Variants in WDCP observed in about 807,000 individuals in gnomAD.
The protein encoded by WDCP is WD repeat and coiled coil containing.
A neutral mutation model predicts 41.6 loss-of-function variants in WDCP; 19 were observed. That is an observed-to-expected ratio of 0.46 (90% CI 0.32 to 0.67). The LOEUF (loss-of-function observed/expected upper bound fraction) is 0.67, where lower values mean the gene tolerates loss of function less well. Among genes scored for constraint, WDCP ranks in the 30% least tolerant of loss-of-function variants. The probability of loss-of-function intolerance (pLI) is 0.04; values close to 1 mark genes in which losing one functional copy is unlikely to be tolerated. For missense variants in WDCP, 802 were observed against 850.7 expected (o/e 0.94, Z 0.71); for synonymous variants, 302 against 320.8 (o/e 0.94, Z 0.63).
chr2:24,039,746 G>A (rs1663366646), intron 1 of WDCP, among the ~76,000 whole-genome samples: 1 of 152,084 alleles, frequency 6.6e-6, no homozygotes, highest in Non-Finnish European at 1.5e-5. Flanking sequence ...TTTAGAACTG[G>A]GGAAATCTGA....
intron 1 of WDCP, 68 bp from the exon 2 acceptor site, chr2:24,039,580 G>C: frequency 4.3e-6 from 6 of 1,398,970 alleles, no homozygotes; most frequent in African/African-American, 1.4e-5. Context: ...AGGACATTTG[G>C]TAAGACAACG....
intron 2 of WDCP, among the ~76,000 whole-genome samples, chr2:24,036,393 G>C (rs142771149): frequency 1.3e-5 from 2 of 152,166 alleles, no homozygotes; most frequent in African/African-American, 4.8e-5. Flanking sequence ...TGTAGTCTCA[G>C]CTGCTCAGGA....
intron 1 of WDCP, among the ~76,000 whole-genome samples, chr2:24,040,020 C>G (rs572614631): frequency 2.4e-4 from 36 of 151,994 alleles, no homozygotes; most frequent in Non-Finnish European, 4.0e-4. Context: ...AGGCTGGTCT[C>G]AAACTCCTGA....
chr2:24,047,057 T>G (rs972765515), intron 1 of WDCP, among the ~76,000 whole-genome samples: 1 of 152,148 alleles, frequency 6.6e-6, no homozygotes, highest in East Asian at 1.9e-4. Context: ...TTCCTGACTT[T>G]GGATGACTTC....
At position 24,029,453 on chromosome 2, in the gene WDCP, T is replaced by C. The variant is rs1010527650; in HGVS notation, c.*1480A>G. 10 of 152,210 alleles carry C rather than the reference T, an allele frequency of 6.6e-5. No individual in the cohort carries two copies. Among genetic ancestry groups the C allele is most frequent in the African/African-American group, 2.4e-4 (10 of 41,462 alleles). 9.4% of individuals were successfully genotyped at this position (152,210 alleles called of 1,614,324 possible). ...CCCACATTGATCTTAGTTAACAGTC[T>C]TGTAGTTCCCTCTTTAGGCTTCAAG... On this transcript the variant is annotated 3_prime_UTR_variant, in exon 4 of 4. Transcript: ENST00000295148.
At chr2:24,033,189 G>C in intron 2 of WDCP, 1 of 589,686 alleles carries the variant, frequency 1.7e-6, no homozygotes, top group Non-Finnish European at 3.3e-6. Context: ...CTAGGAACTG[G>C]CTCTCCTAGA....
At chr2:24,035,797 G>A (rs978726894) in intron 2 of WDCP, among the ~76,000 whole-genome samples, 3 of 151,650 alleles carry the variant, frequency 2.0e-5, no homozygotes, top group Admixed American at 6.6e-5. Context: ...TAGGCCGGGC[G>A]CAGTGGCTTA....
Position 24,032,907 on chromosome 2 carries a change from C to A in WDCP, c.1858G>T (p.Val620Leu). 1 of 1,613,546 alleles carries A rather than the reference C, an allele frequency of 6.2e-7. No homozygotes were observed. ...CTTAGTTTACCATCACAGAGAAGCA[C>A]CGCTCTTTTTTCAACAACAGGACCT... ...YLGPVVEKRAVLLCDGKLRLS... is the reference protein window; with the variant it reads ...YLGPVVEKRALLLCDGKLRLS... Residue 620 changes from valine (V) to leucine (L), a missense_variant, in exon 3 of 4, where the codon GTG (valine) becomes TTG (leucine). Coordinates refer to ENST00000295148, the MANE Select transcript of WDCP (RefSeq NM_025203.3).
rs773834149 is a variant in WDCP, at chr2:24,037,886, G to A, written c.1609C>T (p.Leu537=). ...CTTTGAGGCAAACGAGGAGGCTCCA[G>A]TGTGCTGGTGTGGTCTGGTGTGCTG... ...HSSTPDHTST[L]EPPRLPQRKN... is the part of the protein sequence containing the mutation. The change falls in exon 2 of 4, where the codon CTG becomes TTG. Residue 537 remains leucine, a synonymous_variant. Coordinates refer to ENST00000295148, the MANE Select transcript of WDCP (RefSeq NM_025203.3). 12 of 1,614,078 alleles carry A rather than the reference G, an allele frequency of 7.4e-6. No homozygotes were observed. Among genetic ancestry groups the A allele is most frequent in the Non-Finnish European group, 9.3e-6 (11 of 1,180,032 alleles).
Position 24,037,801 on chromosome 2 carries a change from G to A in WDCP, c.1694C>T (p.Ser565Phe), listed in dbSNP as rs1663300902. ...YQLSKEVEILSRNLVEMQRCL... is the reference protein window; with the variant it reads ...YQLSKEVEILFRNLVEMQRCL... ...CCGTTGCATTTCAACCAGGTTCCTA[G>A]ATAAAATTTCCACTTCCTTAGACAG... The change falls in exon 2 of 4, where the codon TCT (serine) becomes TTT (phenylalanine). Residue 565 changes from serine to phenylalanine, a missense_variant. Around this residue, in one of 5 missense-constraint regions of WDCP, gnomAD observed 321 missense variants for 305.1 expected, o/e 1.05. Transcript: ENST00000295148. The A allele has an allele frequency of 1.2e-6, 2 of 1,614,120 alleles. No individual in the cohort carries two copies. Among genetic ancestry groups the A allele is most frequent in the South Asian group, 1.1e-5 (1 of 91,092 alleles).
rs139281871 is a variant in WDCP at position 24,038,734 on chromosome 2, A to G, written c.761T>C (p.Ile254Thr). ...KDMTPYALPV[I>T]GEVRSMDKEA... ...TTTATCCATAGAGCGTACTTCACCA[A>G]TAACTGGTAAAGCATACGGAGTCAT... Residue 254 changes from isoleucine to threonine, a missense_variant, in exon 2 of 4, where the codon ATT becomes ACT. Transcript: ENST00000295148. 15 of 1,614,116 alleles carry G rather than the reference A, an allele frequency of 9.3e-6. No homozygotes were observed. In the African/African-American group the frequency reaches 1.2e-4, roughly 13 times the overall value.
Position 24,032,936 on chromosome 2 carries a change from T to A in WDCP, c.1829A>T (p.Tyr610Phe), listed in dbSNP as rs911541409. Residue 610 changes from tyrosine to phenylalanine, a missense_variant, in exon 3 of 4, where the codon TAT becomes TTT. Tyr to Phe is a conservative substitution (Grantham distance 22). Coordinates refer to ENST00000295148, the MANE Select transcript of WDCP (RefSeq NM_025203.3). ...TCTTTTTTCAACAACAGGACCTAGA[T>A]AATAAGGTTTCTGCAAATAAAAAAT... Reference protein sequence around the residue: ...YVHIIYQKPYYLGPVVEKRAV... With the variant: ...YVHIIYQKPYFLGPVVEKRAV... The A allele has an allele frequency of 6.3e-7, 1 of 1,596,100 alleles. No individual in the cohort carries two copies. Among genetic ancestry groups the A allele is most frequent in the African/African-American group, 1.3e-5 (1 of 74,558 alleles).
chr2:24,036,921 T>C (rs967865906), intron 2 of WDCP, among the ~76,000 whole-genome samples: 4 of 152,274 alleles, frequency 2.6e-5, no homozygotes, highest in Admixed American at 6.5e-5. Flanking sequence ...ATATTTTATA[T>C]AGGAGGAAAG....
In WDCP at chr2:24,039,442, T is replaced by C. The variant is rs1663357578; in HGVS notation, c.53A>G (p.Gln18Arg). ...LLRTGLNALH[Q>R]AVHPIHGLAW... Reference sequence around the variant, plus strand: ...AAGGCCATGGATCGGATGCACTGCTTGATGCAACGCATTCAGTCCAGTCCT... The same window carrying C: ...AAGGCCATGGATCGGATGCACTGCTCGATGCAACGCATTCAGTCCAGTCCT... Residue 18 changes from glutamine (Q) to arginine (R), a missense_variant, in exon 2 of 4, where the codon CAA (glutamine) becomes CGA (arginine). By Grantham distance (43) the Gln-to-Arg change is conservative (BLOSUM62 1). Coordinates refer to ENST00000295148, the MANE Select transcript of WDCP (RefSeq NM_025203.3). 6.2e-7 allele frequency: 1 copy of C among 1,614,132 alleles called. No homozygotes were observed. Among genetic ancestry groups the C allele is most frequent in the Admixed American group, 1.7e-5 (1 of 60,006 alleles).
chr2:24,039,637 G>A (rs1663363237), intron 1 of WDCP, 125 bp from the exon 2 acceptor site: 2 of 754,346 alleles, frequency 2.7e-6, no homozygotes, highest in Non-Finnish European at 4.2e-6. Flanking sequence ...AAAAGGACAG[G>A]GGGAGTATTA....
intron 1 of WDCP, among the ~76,000 whole-genome samples, chr2:24,043,815 G>A (rs1417207307): frequency 6.6e-6 from 1 of 151,934 alleles, no homozygotes; most frequent in Non-Finnish European, 1.5e-5. Flanking sequence ...TACCAACCTG[G>A]TGATTTGCTT....
At chr2:24,037,613 T>C in intron 2 of WDCP, 64 bp downstream of exon 2, 1 of 1,464,390 alleles carries the variant, frequency 6.8e-7, no homozygotes, top group African/African-American at 1.4e-5. Context: ...AATACGTTTC[T>C]TGCAGTACTC....
intron 3 of WDCP, among the ~76,000 whole-genome samples, chr2:24,031,412 G>A (rs1273914965): frequency 6.6e-6 from 1 of 152,146 alleles, no homozygotes; most frequent in Non-Finnish European, 1.5e-5. Flanking sequence ...ACAAGAATGA[G>A]GCATAAGAAA....
intron 2 of WDCP, among the ~76,000 whole-genome samples, chr2:24,034,553 G>C (rs1663183583): frequency 6.7e-6 from 1 of 150,298 alleles, no homozygotes; most frequent in Admixed American, 6.8e-5. Context: ...AAAAAACTGA[G>C]GAATTGAAAG....
Sources: allele counts gnomAD v4.1 joint callset (sites outside exome capture counted in the v4.1 genomes callset), GRCh38; gene constraint gnomAD v4.1.1; regional missense constraint gnomAD v4.1.1; transcripts MANE v1.5; gene names NCBI Gene and HGNC (gene_info 2026-07-23, HGNC 2026-07-21).